OSBP2: variants seen among roughly 807,000 people sequenced by gnomAD.
The protein encoded by OSBP2 is oxysterol binding protein 2, also known as oxysterol-binding protein 2.
Under a neutral mutation model 96.0 loss-of-function variants are expected in OSBP2, and 66 were observed. That is an observed-to-expected ratio of 0.69 (90% CI 0.56 to 0.84). The LOEUF (loss-of-function observed/expected upper bound fraction) is 0.84. Ranked by LOEUF, OSBP2 falls within the 40% of genes least tolerant of loss-of-function variation. The pLI is 0.00. For missense variants in OSBP2, 1,038 were observed against 1,222.7 expected (o/e 0.85, Z 2.25); for synonymous variants, 525 against 520.9 (o/e 1.01, Z -0.11).
At chr22:30,694,388 G>A (rs2088980707), upstream of OSBP2, 3 of 1,487,790 alleles carry the variant, frequency 2.0e-6, no homozygotes, top group Non-Finnish European at 2.7e-6. Flanking sequence ...TTAGCCTTTA[G>A]CGCCCCTGTG....
rs538101896 is a variant in OSBP2, at chr22:30,860,060, C to T, written c.854-10369C>T. Among the ~76,000 whole-genome samples, 18 of 152,324 alleles carry T rather than the reference C, an allele frequency of 1.2e-4. No individual in the cohort carries two copies. The East Asian group carries it at 3.3e-3, about 28-fold the overall frequency. On this transcript the variant is annotated intron_variant, in intron 2 of 13. Coordinates refer to ENST00000332585, the MANE Select transcript of OSBP2 (RefSeq NM_030758.4). ...TGGCAGGACCTGAGGTAGCATCTAA[C>T]CCAGTGGTTCTTACCTTGGCTACAG...
intron 7 of OSBP2, 133 bp downstream of exon 7, chr22:30,889,769 T>C (rs139719516): frequency 6.4e-6 from 5 of 780,068 alleles, no homozygotes; most frequent in African/African-American, 5.2e-5. Flanking sequence ...CTGAGGAGCA[T>C]GTAACTAATT....
intron 2 of OSBP2, among the ~76,000 whole-genome samples, chr22:30,772,778 G>A (rs2090366746): frequency 6.7e-6 from 1 of 148,326 alleles, no homozygotes; most frequent in Admixed American, 6.8e-5. Context: ...GGGAACGGCT[G>A]CTCTTGTTAA....
chr22:30,857,842 A>G (rs112994177), intron 2 of OSBP2, among the ~76,000 whole-genome samples: 43 of 152,300 alleles, frequency 2.8e-4, no homozygotes, highest in African/African-American at 9.6e-4. Context: ...AGACACATGA[A>G]TCTGCCTGTG....
intron 12 of OSBP2, among the ~76,000 whole-genome samples, chr22:30,895,770 C>T (rs1440367445): frequency 1.3e-5 from 2 of 152,016 alleles, no homozygotes; most frequent in African/African-American, 4.8e-5. Context: ...GAAACCCCGT[C>T]TCTACTAAAA....
rs562123473 is a variant in OSBP2, at chr22:30,894,134, C to A, written c.2375+133C>A. ...ATGGGCAGAGAACAGTATTATGCAG[C>A]CGACATCCCAGTGTGAAGGCAGACA... is the stretch of plus-strand genomic sequence containing the variant. On this transcript the variant is annotated intron_variant, in intron 12 of 13. Transcript: ENST00000332585. 2.9e-5 allele frequency: 20 copies of A among 679,422 alleles called. No individual in the cohort carries two copies. The South Asian group carries it at 3.8e-4, about 13-fold the overall frequency. 42.1% of individuals were successfully genotyped at this position (679,422 alleles called of 1,614,324 possible).
chr22:30,887,767 G>C, intron 4 of OSBP2, 149 bp downstream of exon 4: 1 of 647,754 alleles, frequency 1.5e-6, no homozygotes, highest in Non-Finnish European at 2.6e-6. Flanking sequence ...TCGTGGTTTT[G>C]TATCTCCCAT....
chr22:30,698,752 G>A (rs1397119217), intron 1 of OSBP2, among the ~76,000 whole-genome samples: 2 of 151,630 alleles, frequency 1.3e-5, no homozygotes, highest in African/African-American at 4.8e-5. Flanking sequence ...TTTTAACTAA[G>A]TGAAGCCTGG....
intron 2 of OSBP2, among the ~76,000 whole-genome samples, chr22:30,775,558 G>C (rs1408261721): frequency 6.6e-6 from 1 of 152,064 alleles, no homozygotes; most frequent in African/African-American, 2.4e-5. Flanking sequence ...CAGAGAGGTT[G>C]CAGTGAGCCG....
At chr22:30,772,795 T>C (rs2090367756) in intron 2 of OSBP2, among the ~76,000 whole-genome samples, 1 of 11,522 alleles carries the variant, frequency 8.7e-5, no homozygotes, top group Non-Finnish European at 2.0e-4. Flanking sequence ...TTAAACGCAT[T>C]TTTTTTTTTT....
rs925556404 is a variant in OSBP2, at chr22:30,870,725, T to A, written c.1107+43T>A. On this transcript the variant is annotated intron_variant, in intron 3 of 13. Coordinates refer to ENST00000332585, the MANE Select transcript of OSBP2 (RefSeq NM_030758.4). The surrounding 1 kb of genome is among the most constrained non-coding windows in gnomAD (Gnocchi z 4.1). Reference sequence around the variant, plus strand: ...CCGCCCTGGCACGGGGCTCCCTGGCTCCAGCCCCGGGGTCCCTCGGTGGGT... The same window carrying A: ...CCGCCCTGGCACGGGGCTCCCTGGCACCAGCCCCGGGGTCCCTCGGTGGGT... 6.3e-7 allele frequency: 1 copy of A among 1,595,452 alleles called. No individual in the cohort carries two copies. Among genetic ancestry groups the A allele is most frequent in the Non-Finnish European group, 8.6e-7 (1 of 1,167,960 alleles).
chr22:30,841,972 G>A (rs1467961305), intron 2 of OSBP2, among the ~76,000 whole-genome samples: 5 of 151,932 alleles, frequency 3.3e-5, no homozygotes, highest in Non-Finnish European at 7.4e-5. Flanking sequence ...TTGAGAGAGG[G>A]TCCTACTCTG....
At position 30,695,167 on chromosome 22, in the gene OSBP2, G is replaced by A. The variant is rs41279969; in HGVS notation, c.258G>A (p.Thr86=). The A allele has an allele frequency of 3.8e-3, 6,176 of 1,611,282 alleles. 19 individuals are homozygous for A. Among genetic ancestry groups the A allele is most frequent in the Non-Finnish European group, 4.8e-3 (5,608 of 1,178,388 alleles). The change falls in exon 1 of 14, where the codon ACG becomes ACA. Residue 86 remains threonine, a synonymous_variant. Coordinates refer to ENST00000332585, the MANE Select transcript of OSBP2 (RefSeq NM_030758.4). The part of the protein sequence containing the change: ...AVPRSEPVSE[T]TSEPEPGAGQ... The stretch of plus-strand genomic sequence containing the variant: ...CAAGATCGGAACCTGTGTCCGAGAC[G>A]ACGTCTGAGCCGGAGCCAGGGGCTG...
At chr22:30,802,303 G>T (rs2090861260) in intron 2 of OSBP2, among the ~76,000 whole-genome samples, 1 of 152,212 alleles carries the variant, frequency 6.6e-6, no homozygotes, top group South Asian at 2.1e-4. Context: ...TCAGGCTCTA[G>T]CAGTCCCGTC....
In OSBP2 at chr22:30,897,375, G is replaced by C. The variant is rs1026077575; in HGVS notation, c.2375+3374G>C. Among the ~76,000 whole-genome samples the C allele has an allele frequency of 2.6e-5, 4 of 152,200 alleles. No individual in the cohort carries two copies. In the East Asian group the frequency reaches 5.8e-4, roughly 22 times the overall value. On this transcript the variant is annotated intron_variant, in intron 12 of 13. Coordinates refer to ENST00000332585, the MANE Select transcript of OSBP2 (RefSeq NM_030758.4). ...GATCCAAACAATATATGCTATTACCGACTCATGGATGCAACTCTGAGAACA... is the reference window on the plus strand; with the variant it reads ...GATCCAAACAATATATGCTATTACCCACTCATGGATGCAACTCTGAGAACA...
chr22:30,799,013 CAAAA>C (rs136275), intron 2 of OSBP2, among the ~76,000 whole-genome samples: 2 of 91,880 alleles, frequency 2.2e-5, no homozygotes, highest in Non-Finnish European at 2.2e-5. Flanking sequence ...GACTCTGTCT[CAAAA>C]AAAAAAAAAA....
At chr22:30,770,936 G>T (rs942304128) in intron 2 of OSBP2, among the ~76,000 whole-genome samples, 3 of 152,182 alleles carry the variant, frequency 2.0e-5, no homozygotes, top group Non-Finnish European at 4.4e-5. Context: ...TGGTCATTGC[G>T]GCTGCTTGAG....
chr22:30,778,438 C>T (rs541933677), intron 2 of OSBP2, among the ~76,000 whole-genome samples: 1 of 152,120 alleles, frequency 6.6e-6, no homozygotes, highest in Admixed American at 6.5e-5. Context: ...TCTGCTTTTG[C>T]TTCTGCTCTG....
chr22:30,794,026 C>T (rs755783867), intron 2 of OSBP2, among the ~76,000 whole-genome samples: 8 of 152,108 alleles, frequency 5.3e-5, no homozygotes, highest in Non-Finnish European at 1.2e-4. Context: ...ATAACATGGA[C>T]ATCCTTCTAT....
Sources: allele counts gnomAD v4.1 joint callset (sites outside exome capture counted in the v4.1 genomes callset), GRCh38; gene constraint gnomAD v4.1.1; non-coding constraint Gnocchi (gnomAD v3.1); transcripts MANE v1.5; gene names NCBI Gene and HGNC (gene_info 2026-07-23, HGNC 2026-07-21).